The following CSMD1 variants were observed in gnomAD, a reference collection of about 807,000 sequenced individuals.
CSMD1 encodes CUB and Sushi multiple domains 1.
In CSMD1, 213 loss-of-function variants were observed where a neutral mutation model predicts 417.5. The observed-to-expected ratio is 0.51, with a 90% confidence interval of 0.46 to 0.57. The LOEUF is 0.57. Among genes scored for constraint, CSMD1 ranks in the 20% least tolerant of loss-of-function variants. CSMD1 has a pLI of 0.00. For synonymous variants in CSMD1, 2,862 were observed against 1,736.8 expected, an observed-to-expected ratio of 1.65 and a Z score of -16.11; for missense variants, 6,923 against 4,529.7, an observed-to-expected ratio of 1.53 and a Z score of -15.17.
At chr8:4,831,734 G>T (rs973720517) in intron 1 of CSMD1, among the ~76,000 whole-genome samples, 6 of 152,102 alleles carry the variant, frequency 3.9e-5, no homozygotes, top group African/African-American at 1.4e-4. Flanking sequence ...GCCTGTACCT[G>T]GCCTTGGGGT....
chr8:3,634,025 T>A (rs1188356451), intron 7 of CSMD1, among the ~76,000 whole-genome samples: 1 of 151,502 alleles, frequency 6.6e-6, no homozygotes, highest in Non-Finnish European at 1.5e-5. Flanking sequence ...TATCTGGGAT[T>A]ACTGTCAGTG....
chr8:3,376,193 A>G (rs1172673282), intron 18 of CSMD1, among the ~76,000 whole-genome samples: 1 of 152,066 alleles, frequency 6.6e-6, no homozygotes, highest in East Asian at 1.9e-4. Flanking sequence ...TTAATAAAAA[A>G]AATTTTTTGA....
chr8:3,400,486 T>G (rs1456626788), intron 15 of CSMD1, among the ~76,000 whole-genome samples: 2 of 152,064 alleles, frequency 1.3e-5, no homozygotes, highest in African/African-American at 4.8e-5. Flanking sequence ...TGTGAATTAG[T>G]GAAATTTATG....
intron 3 of CSMD1, among the ~76,000 whole-genome samples, chr8:4,307,851 C>A (rs1798333883): frequency 6.6e-6 from 1 of 152,146 alleles, no homozygotes; most frequent in African/African-American, 2.4e-5. Flanking sequence ...TGAAACTCAA[C>A]AGAAATCTTC....
At chr8:3,943,583 G>A (rs1339375946) in intron 5 of CSMD1, among the ~76,000 whole-genome samples, 4 of 151,976 alleles carry the variant, frequency 2.6e-5, no homozygotes, top group South Asian at 2.1e-4. Context: ...GAAAAATAGT[G>A]ACTTTTCATT....
At chr8:3,822,043 C>T (rs1446370485) in intron 5 of CSMD1, among the ~76,000 whole-genome samples, 2 of 152,194 alleles carry the variant, frequency 1.3e-5, no homozygotes, top group Admixed American at 6.5e-5. Flanking sequence ...TGCGGTCTGA[C>T]ATCTCTGCCT....
chr8:3,903,851 T>C (rs2948660), intron 5 of CSMD1, among the ~76,000 whole-genome samples: 34,182 of 151,948 alleles, frequency 0.22, 4,315 homozygotes, highest in East Asian at 0.33. Context: ...GTGGTCTTGT[T>C]TGTTAGGGAG....
intron 2 of CSMD1, among the ~76,000 whole-genome samples, chr8:4,439,712 G>C (rs760300770): frequency 7.2e-5 from 11 of 152,216 alleles, no homozygotes; most frequent in African/African-American, 2.6e-4. Flanking sequence ...AATTTAGTTA[G>C]GTTTTGAAAT....
At chr8:4,585,000 C>T (rs1262767516) in intron 2 of CSMD1, among the ~76,000 whole-genome samples, 1 of 151,628 alleles carries the variant, frequency 6.6e-6, no homozygotes, top group Admixed American at 6.6e-5. Flanking sequence ...CTCAACCAGA[C>T]TCTCAAATTA....
chr8:3,426,433 T>C (rs1448733027), intron 12 of CSMD1, among the ~76,000 whole-genome samples: 1 of 152,170 alleles, frequency 6.6e-6, no homozygotes, highest in Non-Finnish European at 1.5e-5. Context: ...TATTAAAAAA[T>C]AGGAACATCA....
chr8:4,038,752 T>C (rs924205090), intron 3 of CSMD1, among the ~76,000 whole-genome samples: 6 of 152,198 alleles, frequency 3.9e-5, no homozygotes, highest in African/African-American at 1.2e-4. Context: ...AATGCAGACA[T>C]TTGGTAACGT....
At chr8:3,298,333 A>C (rs59252821) in intron 25 of CSMD1, among the ~76,000 whole-genome samples, 13,321 of 152,278 alleles carry the variant, frequency 0.087, 961 homozygotes, top group African/African-American at 0.18. Context: ...CATCAGAACC[A>C]TCCAAATGTC....
At chr8:4,125,168 G>A (rs541920160) in intron 3 of CSMD1, among the ~76,000 whole-genome samples, 48 of 152,130 alleles carry the variant, frequency 3.2e-4, no homozygotes, top group Non-Finnish European at 4.4e-5. Context: ...TCAAAAGGAA[G>A]ATAACTCTTG....
At chr8:3,507,392 T>A (rs1796873207) in intron 10 of CSMD1, among the ~76,000 whole-genome samples, 2 of 152,246 alleles carry the variant, frequency 1.3e-5, no homozygotes, top group South Asian at 2.1e-4. Flanking sequence ...ATTTTCCTAA[T>A]CCAGTCTATC....
At chr8:3,566,930 T>A (rs1799739220) in intron 10 of CSMD1, among the ~76,000 whole-genome samples, 2 of 152,208 alleles carry the variant, frequency 1.3e-5, no homozygotes, top group South Asian at 4.1e-4. Context: ...ACTGGGTACA[T>A]ACCCAAAAGA....
At chr8:4,354,750 A>T (rs1228532555) in intron 3 of CSMD1, among the ~76,000 whole-genome samples, 2 of 152,064 alleles carry the variant, frequency 1.3e-5, no homozygotes, top group Non-Finnish European at 2.9e-5. Context: ...AGGTGTTTGA[A>T]TTCCTTTTAT....
intron 62 of CSMD1, among the ~76,000 whole-genome samples, chr8:2,958,409 A>T (rs1419846583): frequency 6.6e-6 from 1 of 152,230 alleles, no homozygotes; most frequent in African/African-American, 2.4e-5. Flanking sequence ...AATCACATTC[A>T]GCTTGAATGC....
chr8:4,088,216 C>A (rs915910788), intron 3 of CSMD1, among the ~76,000 whole-genome samples: 1 of 152,200 alleles, frequency 6.6e-6, no homozygotes, highest in African/African-American at 2.4e-5. Flanking sequence ...GATGACTGAT[C>A]TCTGCCTTCC....
At chr8:3,696,264 G>A (rs1281807894) in intron 7 of CSMD1, among the ~76,000 whole-genome samples, 2 of 152,182 alleles carry the variant, frequency 1.3e-5, no homozygotes, top group African/African-American at 4.8e-5. Flanking sequence ...CTTCCTGCAA[G>A]TATTCTAATA....
Sources: gnomAD v4.1 joint callset for allele counts (sites outside exome capture counted in the v4.1 genomes callset) on GRCh38, gnomAD v4.1.1 for gene constraint, MANE v1.5 for transcripts, NCBI Gene and HGNC (gene_info 2026-07-23, HGNC 2026-07-21) for gene names.